The following IDH1 variants were observed in gnomAD, a reference collection of about 807,000 sequenced individuals.
IDH1 encodes the protein isocitrate dehydrogenase (NADP(+)) 1, also known as isocitrate dehydrogenase [NADP] cytoplasmic.
Under a neutral mutation model 46.1 loss-of-function variants are expected in IDH1, and 33 were observed. The observed-to-expected ratio is 0.72, with a 90% CI of 0.54 to 0.96. The LOEUF (loss-of-function observed/expected upper bound fraction) is 0.96. IDH1 is among the 40% of genes least tolerant of loss of function. The probability of loss-of-function intolerance (pLI) is 0.00; values close to 1 mark genes in which losing one functional copy is unlikely to be tolerated. For missense variants in IDH1, 421 were observed against 515.7 expected (o/e 0.82, Z 1.78); for synonymous variants, 144 against 172.8 (o/e 0.83, Z 1.31).
intron 3 of IDH1, among the ~76,000 whole-genome samples, chr2:208,250,159 A>C (rs1000257393): frequency 5.9e-5 from 9 of 152,282 alleles, no homozygotes; most frequent in South Asian, 4.1e-4. Context: ...CCTCCTAGTC[A>C]TAGTGACTCC....
At chr2:208,248,312 T>C (rs2124862293) in intron 4 of IDH1, 57 bp downstream of exon 4, 2 of 1,531,442 alleles carry the variant, frequency 1.3e-6, no homozygotes, top group African/African-American at 2.7e-5. Flanking sequence ...AAGTTGGAAA[T>C]TTCTGGGCCA....
intron 4 of IDH1, chr2:208,248,125 GA>G (rs1156342787): frequency 9.1e-6 from 5 of 551,570 alleles, no homozygotes; most frequent in Middle Eastern, 4.8e-4. Context: ...AAGGATAAAG[GA>G]AAAAAAACAG....
At chr2:208,253,858 A>G (rs1041037356) in intron 2 of IDH1, 28 bp downstream of exon 2, 2 of 152,230 alleles carry the variant, frequency 1.3e-5, no homozygotes, top group African/African-American at 4.8e-5. Flanking sequence ...AAAGTACAGA[A>G]GAAGGGGGAA....
At chr2:208,245,182 GT>G in intron 5 of IDH1, 136 bp downstream of exon 5, 1 of 632,264 alleles carries the variant, frequency 1.6e-6, no homozygotes, top group Non-Finnish European at 2.8e-6. Context: ...TTTATGTCAA[GT>G]TTCGGGTTTT....
rs758141442 is a variant in IDH1 at position 208,245,306 on chromosome 2, C to T, written c.520+13G>A. The T allele has an allele frequency of 8.5e-6, 11 of 1,298,204 alleles. No homozygotes were observed. Among genetic ancestry groups the T allele is most frequent in the African/African-American group, 4.4e-5 (3 of 68,728 alleles). The allele number at this position is 1,298,204 out of a possible 1,614,324, so 80.4% of individuals were successfully genotyped here. On this transcript the variant is annotated intron_variant, in intron 5 of 9. Transcript: ENST00000345146. ...TTAAAAAAAAAAGAAGCTTATGCTA[C>T]AGTCATACATACCTTCAAAGTTATG...
At chr2:208,243,725 C>T in intron 5 of IDH1, 121 bp from the exon 6 acceptor site, 1 of 815,714 alleles carries the variant, frequency 1.2e-6, no homozygotes, top group South Asian at 1.5e-5. Context: ...ACATCTGAGA[C>T]TAGATTTCAG....
chr2:208,238,137 G>A (rs1323361985), intron 9 of IDH1, among the ~76,000 whole-genome samples: 4 of 150,632 alleles, frequency 2.7e-5, no homozygotes, highest in East Asian at 2.0e-4. Flanking sequence ...CCAGGTTCAC[G>A]CCATTCTCCT....
chr2:208,245,042 C>T (rs1223459270), intron 5 of IDH1, among the ~76,000 whole-genome samples: 1 of 152,172 alleles, frequency 6.6e-6, no homozygotes, highest in African/African-American at 2.4e-5. Context: ...TTTCTGCCAA[C>T]CTTCTCTCTG....
chr2:208,243,334 C>A, intron 6 of IDH1, 93 bp downstream of exon 6: 38 of 955,482 alleles, frequency 4.0e-5, no homozygotes, highest in East Asian at 8.1e-5. Flanking sequence ...ACTCAATTTA[C>A]CCAGAATCAT....
chr2:208,239,071 T>C lies in IDH1; in HGVS notation c.1154A>G (p.Asn385Ser), dbSNP rs1373781889. 1.2e-6 allele frequency: 2 copies of C among 1,613,654 alleles called. No homozygotes were observed. Among genetic ancestry groups the C allele is most frequent in the Non-Finnish European group, 1.7e-6 (2 of 1,179,704 alleles). Reference protein sequence around the residue: ...DLAACIKGLPNVQRSDYLNTF... With the variant: ...DLAACIKGLPSVQRSDYLNTF... ...AGAAACTAGGGCATCTTATACTTAC[T>C]TGGGTAAACCTTTAATGCAAGCAGC... is the stretch of plus-strand genomic sequence containing the variant. The change falls in exon 9 of 10, where the codon AAT becomes AGT. Residue 385 changes from asparagine (N) to serine (S), a missense_variant and splice_region_variant. Physicochemically the swap from Asn to Ser is conservative, Grantham distance 46. Transcript: ENST00000345146.
chr2:208,253,473 C>G (rs79047515), intron 2 of IDH1, among the ~76,000 whole-genome samples: 3,219 of 152,306 alleles, frequency 0.021, 120 homozygotes, highest in African/African-American at 0.072. Flanking sequence ...CCAACCCAAT[C>G]CCAACTTCAG....
chr2:208,237,858 G>A (rs1292484277), intron 9 of IDH1, among the ~76,000 whole-genome samples: 1 of 151,382 alleles, frequency 6.6e-6, no homozygotes, highest in Non-Finnish European at 1.5e-5. Flanking sequence ...CCCAGGAGGC[G>A]GAGGTTGCAG....
At chr2:208,245,883 A>C (rs1688013009) in intron 4 of IDH1, among the ~76,000 whole-genome samples, 1 of 149,670 alleles carries the variant, frequency 6.7e-6, no homozygotes, top group East Asian at 2.0e-4. Flanking sequence ...AACAATACTA[A>C]TTGTAGTACT....
At chr2:208,241,909 C>T in intron 7 of IDH1, 85 bp downstream of exon 7, 1 of 1,384,170 alleles carries the variant, frequency 7.2e-7, no homozygotes, top group Non-Finnish European at 1.0e-6. Context: ...GATTTTACAA[C>T]AAAGGACTAC....
chr2:208,239,054 G>T lies in IDH1; in HGVS notation c.1154+17C>A, dbSNP rs199743726. On this transcript the variant is annotated intron_variant, in intron 9 of 9. Coordinates refer to ENST00000345146, the MANE Select transcript of IDH1 (RefSeq NM_005896.4). ...AGTGTTAATTTGACCATAGAAACTA[G>T]GGCATCTTATACTTACTTGGGTAAA... The T allele has an allele frequency of 1.1e-4, 173 of 1,610,664 alleles. No homozygotes were observed. In the Middle Eastern group the frequency reaches 1.9e-3, roughly 17 times the overall value.
At chr2:208,237,714 A>C (rs1203935381) in intron 9 of IDH1, among the ~76,000 whole-genome samples, 1 of 150,068 alleles carries the variant, frequency 6.7e-6, no homozygotes, top group East Asian at 2.0e-4. Flanking sequence ...AGGTCAGGAG[A>C]TGGAGACCAT....
chr2:208,239,904 C>A lies in IDH1; in HGVS notation c.950G>T (p.Arg317Leu), dbSNP rs1294399146. The A allele has an allele frequency of 3.1e-6, 5 of 1,614,096 alleles. No homozygotes were observed. Among genetic ancestry groups the A allele is most frequent in the East Asian group, 2.2e-5 (1 of 44,884 alleles). The change falls in exon 8 of 10, where the codon CGC becomes CTC. Residue 317 changes from arginine to leucine, a missense_variant. Coordinates refer to ENST00000345146, the MANE Select transcript of IDH1 (RefSeq NM_005896.4). ...CGTCTCCTGTCCTTTCTGGTACATG[C>A]GGTAGTGACGGGTTACAGTCCCGTG... The part of the protein sequence containing the change: ...AAHGTVTRHY[R>L]MYQKGQETST...
rs1687872111 is a variant in IDH1, at chr2:208,239,180, T to G, written c.1045A>C (p.Asn349His). ...TTTGCAAAGAAGGCAAGCTCTTTAT[T>G]GTTATCAAGCTTTGCTCTGTGGGCT... ...GLAHRAKLDNNKELAFFANAL... is the reference protein window; with the variant it reads ...GLAHRAKLDNHKELAFFANAL... The change falls in exon 9 of 10, where the codon AAT becomes CAT. Residue 349 changes from asparagine (N) to histidine (H), a missense_variant. Physicochemically the swap from Asn to His is moderately conservative, Grantham distance 68. Coordinates refer to ENST00000345146, the MANE Select transcript of IDH1 (RefSeq NM_005896.4). The G allele has an allele frequency of 2.5e-6, 4 of 1,614,018 alleles. No homozygotes were observed. The highest frequency in any genetic ancestry group is 3.3e-5 in the Admixed American group (2 of 59,988).
At position 208,242,067 on chromosome 2, in the gene IDH1, C is replaced by CTTG. The variant is rs1687929062; in HGVS notation, c.776_777insCAA (p.Met259delinsIleLys). ...CCCAGATGAAGCCTCCCTCTGATTT[C>CTTG]ATAGCTTGGGCCACCATGTCGTCGA... On this transcript the variant is annotated protein_altering_variant, in exon 7 of 10. Transcript: ENST00000345146. The CTTG allele has an allele frequency of 6.2e-7, 1 of 1,613,490 alleles. No homozygotes were observed. The highest frequency in any genetic ancestry group is 8.5e-7 in the Non-Finnish European group (1 of 1,179,890).
Sources: gnomAD v4.1 joint callset for allele counts (sites outside exome capture counted in the v4.1 genomes callset) on GRCh38, gnomAD v4.1.1 for gene constraint, MANE v1.5 for transcripts, NCBI Gene and HGNC (gene_info 2026-07-23, HGNC 2026-07-21) for gene names.